PPOX: variants seen among roughly 807,000 people sequenced by gnomAD.
The protein encoded by PPOX is variegate porphyria.
PPOX carries 23 observed loss-of-function variants against 54.1 expected under a neutral mutation model. The observed-to-expected ratio is 0.43, with a 90% CI of 0.31 to 0.60. PPOX has a LOEUF of 0.60. Among genes scored for constraint, PPOX ranks in the 20% least tolerant of loss-of-function variants. PPOX has a pLI of 0.13. For missense variants in PPOX, 512 were observed against 601.1 expected (o/e 0.85, Z 1.55); for synonymous variants, 224 against 236.1 (o/e 0.95, Z 0.47).
downstream of PPOX, chr1:161,177,064 T>C: frequency 6.5e-7 from 1 of 1,535,102 alleles, no homozygotes; most frequent in Non-Finnish European, 8.7e-7. Context: ...CTACCTTTTC[T>C]ACCTTTCCCC....
chr1:161,167,326 G>C, intron 3 of PPOX, 45 bp from the exon 4 acceptor site: 1 of 1,614,094 alleles, frequency 6.2e-7, no homozygotes, highest in Non-Finnish European at 8.5e-7. Context: ...TGGTGGGTCA[G>C]ATCTTCCCTT....
chr1:161,166,674 T>G lies in PPOX; in HGVS notation c.-9+2T>G. ...TTCTCTCATCCCTACCTATTGTGGG[T>G]GAGTCCTGGCCCCTGGACGGGGACC... On this transcript the variant is annotated splice_donor_variant, in intron 1 of 12. Coordinates refer to ENST00000367999, the MANE Select transcript of PPOX (RefSeq NM_001122764.3). LOFTEE classifies it low-confidence loss of function (5UTR_SPLICE). The G allele has an allele frequency of 6.7e-6, 10 of 1,502,266 alleles. No individual in the cohort carries two copies. Among genetic ancestry groups the G allele is most frequent in the Non-Finnish European group, 8.9e-6 (10 of 1,129,032 alleles). 93.1% of individuals were successfully genotyped at this position (1,502,266 alleles called of 1,614,324 possible). A position where few individuals can be genotyped will look rare whatever the true frequency, so the allele number is the denominator to read the frequency against.
At chr1:161,171,794 T>G (rs894169144), downstream of PPOX, 1 of 1,612,630 alleles carries the variant, frequency 6.2e-7, no homozygotes, top group African/African-American at 1.3e-5. Context: ...GTTTCATGAT[T>G]AAGGTAGACA....
Position 161,166,950 on chromosome 1 carries a change from G to T in PPOX, c.87+16G>T, listed in dbSNP as rs749020848. ...CCCCCCTAAGGTGAGTGCTCCACTT[G>T]TGCCAGAGGGAGCTTCATTTAATGC... On this transcript the variant is annotated intron_variant, in intron 2 of 12. Coordinates refer to ENST00000367999, the MANE Select transcript of PPOX (RefSeq NM_001122764.3). 1.9e-6 allele frequency: 3 copies of T among 1,613,412 alleles called. No homozygotes were observed. Among genetic ancestry groups the T allele is most frequent in the African/African-American group, 1.3e-5 (1 of 74,920 alleles).
downstream of PPOX, chr1:161,177,118 G>A: frequency 6.6e-7 from 1 of 1,506,430 alleles, no homozygotes; most frequent in Non-Finnish European, 8.9e-7. Flanking sequence ...TGAAGAGAAA[G>A]GGAGAGGGAG....
Position 161,171,121 on chromosome 1 carries a change from T to C in PPOX, c.1379T>C (p.Ile460Thr). ...SYEGVAVNDCIESGRQAAVSV... is the reference protein window; with the variant it reads ...SYEGVAVNDCTESGRQAAVSV... The stretch of plus-strand genomic sequence containing the variant: ...GAGGGAGTTGCTGTTAATGACTGTA[T>C]AGAGAGTGGGCGCCAGGCAGCAGTC... The change falls in exon 13 of 13, where the codon ATA (isoleucine) becomes ACA (threonine). Residue 460 changes from isoleucine (I) to threonine (T), a missense_variant. Ile to Thr is a moderately conservative substitution (Grantham distance 89). Transcript: ENST00000367999. 1 of 1,613,906 alleles carries C rather than the reference T, an allele frequency of 6.2e-7. No homozygotes were observed.
At chr1:161,175,133 C>A (rs778993868), downstream of PPOX, 22 of 1,613,956 alleles carry the variant, frequency 1.4e-5, no homozygotes, top group Non-Finnish European at 1.9e-5. Flanking sequence ...TCACAACCTG[C>A]AGGGCGGTAC....
downstream of PPOX, chr1:161,171,907 G>A (rs374982935): frequency 8.1e-6 from 13 of 1,614,182 alleles, no homozygotes; most frequent in Non-Finnish European, 1.1e-5. Context: ...TTGACGGAAG[G>A]CTTGGGAGGA....
chr1:161,169,493 G>A lies in PPOX; in HGVS notation c.808-167G>A, dbSNP rs1660371782. ...CACTTCCTGGAGTACACAGAGGAATGATTTTTTGTGAAGTCTACATAGTCA... is the reference window on the plus strand; with the variant it reads ...CACTTCCTGGAGTACACAGAGGAATAATTTTTTGTGAAGTCTACATAGTCA... On this transcript the variant is annotated intron_variant, in intron 7 of 12. Coordinates refer to ENST00000367999, the MANE Select transcript of PPOX (RefSeq NM_001122764.3). 7.7e-6 allele frequency: 6 copies of A among 784,184 alleles called. No homozygotes were observed. In the Admixed American group the frequency reaches 1.0e-4, roughly 13 times the overall value. 48.6% of individuals were successfully genotyped at this position (784,184 alleles called of 1,614,324 possible). A position where few individuals can be genotyped will look rare whatever the true frequency, so the allele number is the denominator to read the frequency against.
chr1:161,172,656 AAG>A (rs1452808838), downstream of PPOX, among the ~76,000 whole-genome samples: 1 of 151,078 alleles, frequency 6.6e-6, no homozygotes, highest in African/African-American at 2.4e-5. Flanking sequence ...TCAAAAGAAT[AAG>A]AGAAGACTGG....
At position 161,169,696 on chromosome 1, in the gene PPOX, G is replaced by T. The variant is rs145286580; in HGVS notation, c.844G>T (p.Val282Phe). Residue 282 changes from valine to phenylalanine, a missense_variant, in exon 8 of 13, where the codon GTT becomes TTT. Val to Phe is a conservative substitution (Grantham distance 50, BLOSUM62 -1). Coordinates refer to ENST00000367999, the MANE Select transcript of PPOX (RefSeq NM_001122764.3). ...LRDSSLEADH[V>F]ISAIPASVLS... ...GGACAGCAGTCTGGAGGCTGACCAC[G>T]TTATTAGTGCCATTCCAGCTTCAGG... The T allele has an allele frequency of 2.5e-6, 4 of 1,614,182 alleles. No individual in the cohort carries two copies. The highest frequency in any genetic ancestry group is 1.7e-5 in the Admixed American group (1 of 60,016).
downstream of PPOX, chr1:161,174,790 G>A (rs1358177888): frequency 3.3e-6 from 2 of 598,284 alleles, no homozygotes; most frequent in African/African-American, 3.7e-5. Flanking sequence ...GAGAGTGTAG[G>A]ACAGTGGGAA....
chr1:161,175,216 G>A (rs139221303), downstream of PPOX: 22 of 1,612,314 alleles, frequency 1.4e-5, no homozygotes, highest in Admixed American at 3.4e-5. Flanking sequence ...AAAGGACACC[G>A]ACACAGGACC....
downstream of PPOX, chr1:161,171,554 G>A: frequency 1.7e-6 from 1 of 594,590 alleles, no homozygotes; most frequent in Non-Finnish European, 2.9e-6. Context: ...TCTAGGGGCA[G>A]GGACTCCTAG....
Position 161,170,469 on chromosome 1 carries a change from T to C in PPOX, c.1048T>C (p.Ser350Pro). Reference protein sequence around the residue: ...DPGVLGIVYDSVAFPEQDGSP... With the variant: ...DPGVLGIVYDPVAFPEQDGSP... ...AGGAGTCCTGGGAATCGTGTATGAC[T>C]CAGTTGCTTTCCCTGAGCAGGACGG... The change falls in exon 10 of 13, where the codon TCA (serine) becomes CCA (proline). Residue 350 changes from serine to proline, a missense_variant. Ser to Pro is a moderately conservative substitution (Grantham distance 74). Transcript: ENST00000367999. The C allele has an allele frequency of 6.2e-7, 1 of 1,614,212 alleles. No individual in the cohort carries two copies. The highest frequency in any genetic ancestry group is 8.5e-7 in the Non-Finnish European group (1 of 1,180,034).
upstream of PPOX, chr1:161,166,245 C>T: frequency 2.1e-6 from 2 of 961,230 alleles, no homozygotes; most frequent in Non-Finnish European, 2.5e-6. Flanking sequence ...AGGGCAGTGA[C>T]GGGTACGGCC....
Position 161,168,559 on chromosome 1 carries a change from G to A in PPOX, c.599G>A (p.Gly200Asp), listed in dbSNP as rs1659949412. The stretch of plus-strand genomic sequence containing the variant: ...CAAACCCATCGTTCCATATTACTGG[G>A]CCTGCTGCTGGGGGCAGGTGAGGGG... ...AEQTHRSILLGLLLGAGRTPQ... is the reference protein window; with the variant it reads ...AEQTHRSILLDLLLGAGRTPQ... The change falls in exon 6 of 13, where the codon GGC becomes GAC. Residue 200 changes from glycine to aspartate, a missense_variant. Physicochemically the swap from Gly to Asp is moderately conservative, Grantham distance 94. Coordinates refer to ENST00000367999, the MANE Select transcript of PPOX (RefSeq NM_001122764.3). 1.2e-6 allele frequency: 2 copies of A among 1,613,982 alleles called. No homozygotes were observed.
chr1:161,173,579 A>C (rs1662294911), downstream of PPOX: 1 of 1,612,954 alleles, frequency 6.2e-7, no homozygotes. Flanking sequence ...TGGGGTCAGG[A>C]GGGAGGAAGT....
chr1:161,177,052 C>T, downstream of PPOX: 1 of 1,535,924 alleles, frequency 6.5e-7, no homozygotes, highest in Non-Finnish European at 8.7e-7. Context: ...GGGTGGCGTC[C>T]TCTACCTTTT....
Sources: gnomAD v4.1 joint callset for allele counts (sites outside exome capture counted in the v4.1 genomes callset) on GRCh38, gnomAD v4.1.1 for gene constraint, MANE v1.5 for transcripts, NCBI Gene and HGNC (gene_info 2026-07-23, HGNC 2026-07-21) for gene names.